Variants in FHDC1 observed in about 807,000 individuals in gnomAD.
The protein encoded by FHDC1 is FH2 domain containing 1.
In FHDC1, 25 loss-of-function variants were observed where a neutral mutation model predicts 52.6. That is an observed-to-expected ratio of 0.48 (90% confidence interval 0.35 to 0.66). FHDC1 has a LOEUF of 0.66. Among genes scored for constraint, FHDC1 ranks in the 30% least tolerant of loss-of-function variants. The pLI is 0.01. For missense variants in FHDC1, 1,459 were observed against 1,452.8 expected (o/e 1.00, Z -0.07); for synonymous variants, 616 against 581.5 (o/e 1.06, Z -0.85).
At chr4:152,935,624 AAAACAAAAAC>A (rs202054649), upstream of FHDC1, among the ~76,000 whole-genome samples, 2,102 of 151,686 alleles carry the variant, frequency 0.014, 22 homozygotes, top group South Asian at 0.036. Flanking sequence ...TTGAGAATTA[AAAACAAAAAC>A]AAAATAAAAA....
the FHDC1 span, among the ~76,000 whole-genome samples, chr4:152,913,101 T>C: frequency 1.3e-5 from 2 of 152,254 alleles, no homozygotes; most frequent in African/African-American, 2.4e-5. Flanking sequence ...TTTGCAACTA[T>C]ATACTTCAAT....
the FHDC1 span, among the ~76,000 whole-genome samples, chr4:152,913,837 C>T: frequency 7.0e-3 from 1,070 of 152,188 alleles, 9 homozygotes; most frequent in Non-Finnish European, 0.011. Context: ...TGCGCCACCA[C>T]GCCTGGCTTA....
chr4:152,927,667 A>G, the FHDC1 span: 228 of 1,582,652 alleles, frequency 1.4e-4, no homozygotes, highest in African/African-American at 2.7e-3. Flanking sequence ...AACAGTTCAA[A>G]TTCAAAAACA....
At position 152,975,030 on chromosome 4, in the gene FHDC1, G is replaced by C. The variant is rs367588756; in HGVS notation, c.1739G>C (p.Arg580Pro). The change falls in exon 12 of 12, where the codon CGG becomes CCG. Residue 580 changes from arginine (R) to proline (P), a missense_variant. Around this residue, in one of 3 missense-constraint regions of FHDC1, gnomAD observed 939 missense variants for 854.5 expected, o/e 1.10. Coordinates refer to ENST00000511601, the MANE Select transcript of FHDC1 (RefSeq NM_001371116.1). ...SLPRSSPRQA[R>P]PTIACLEPAE... ...CCCCGGAGCAGCCCCCGGCAGGCCC[G>C]GCCCACGATAGCCTGCCTGGAGCCT... The C allele has an allele frequency of 1.7e-5, 28 of 1,612,530 alleles. 1 individual carries two copies. The Admixed American group carries it at 3.2e-4, about 18-fold the overall frequency.
At position 152,974,900 on chromosome 4, in the gene FHDC1, C is replaced by A. The variant is rs756746617; in HGVS notation, c.1609C>A (p.Arg537Ser). 8.1e-6 allele frequency: 13 copies of A among 1,608,816 alleles called. No individual in the cohort carries two copies. The South Asian group carries it at 1.3e-4, about 16-fold the overall frequency. The change falls in exon 12 of 12, where the codon CGC (arginine) becomes AGC (serine). Residue 537 changes from arginine to serine, a missense_variant. By Grantham distance (110) the Arg-to-Ser change is moderately radical. Transcript: ENST00000511601. Reference protein sequence around the residue: ...SSPSYRPPNTRRSRLSLGPSA... With the variant: ...SSPSYRPPNTSRSRLSLGPSA... ...CCCCTCCTACCGGCCCCCGAACACC[C>A]GCCGCTCCCGCCTCTCCCTGGGTCC...
At chr4:152,945,675 T>C (rs553369845) in intron 2 of FHDC1, among the ~76,000 whole-genome samples, 1 of 152,324 alleles carries the variant, frequency 6.6e-6, no homozygotes, top group East Asian at 1.9e-4. Flanking sequence ...CCGGCTGGTC[T>C]CGAACTCCTG....
Position 152,976,207 on chromosome 4 carries a change from C to A in FHDC1, c.2916C>A (p.Asp972Glu). Residue 972 changes from aspartate to glutamate, a missense_variant, in exon 12 of 12, where the codon GAC becomes GAA. Transcript: ENST00000511601. ...SGSSSTRPGR[D>E]VPLQPRGSFK... ...CCAGCAGCACCCGTCCGGGGAGGGACGTTCCCCTGCAGCCCAGGGGTTCTT... is the reference window on the plus strand; with the variant it reads ...CCAGCAGCACCCGTCCGGGGAGGGAAGTTCCCCTGCAGCCCAGGGGTTCTT... 6.2e-7 allele frequency: 1 copy of A among 1,612,886 alleles called. No individual in the cohort carries two copies. The highest frequency in any genetic ancestry group is 1.1e-5 in the South Asian group (1 of 91,080).
chr4:152,940,037 T>A (rs959881501), intron 1 of FHDC1, among the ~76,000 whole-genome samples: 2 of 152,244 alleles, frequency 1.3e-5, no homozygotes, highest in African/African-American at 4.8e-5. Flanking sequence ...TGTGTTTGCA[T>A]CTCTACTGCG....
upstream of FHDC1, among the ~76,000 whole-genome samples, chr4:152,931,447 G>T (rs1579073411): frequency 8.2e-6 from 1 of 122,218 alleles, no homozygotes. Flanking sequence ...TCCATCTCCA[G>T]CCTCTAAAAC....
chr4:152,925,234 A>G, the FHDC1 span, among the ~76,000 whole-genome samples: 1 of 152,096 alleles, frequency 6.6e-6, no homozygotes, highest in East Asian at 1.9e-4. Flanking sequence ...CTTTAAGCCA[A>G]TTAATTAGAC....
At chr4:152,917,249 C>T in the FHDC1 span, among the ~76,000 whole-genome samples, 1 of 152,172 alleles carries the variant, frequency 6.6e-6, no homozygotes, top group Non-Finnish European at 1.5e-5. Flanking sequence ...GCATATACTA[C>T]TATTCTGTAC....
chr4:152,930,997 A>ACT, the FHDC1 span, among the ~76,000 whole-genome samples: 112 of 113,232 alleles, frequency 9.9e-4, no homozygotes, highest in African/African-American at 2.5e-3. Flanking sequence ...ACACACACAC[A>ACT]CTCTCTCTCT....
At chr4:152,941,027 G>T (rs866096179) in intron 1 of FHDC1, among the ~76,000 whole-genome samples, 13 of 152,136 alleles carry the variant, frequency 8.5e-5, no homozygotes, top group Non-Finnish European at 1.0e-4. Context: ...AAAATTATTT[G>T]GTGGTGATGG....
chr4:152,942,976 G>T lies in FHDC1; in HGVS notation c.-82G>T. On this transcript the variant is annotated 5_prime_UTR_variant, in exon 2 of 12. Coordinates refer to ENST00000511601, the MANE Select transcript of FHDC1 (RefSeq NM_001371116.1). ...TTATTCTGGCGGCAGATAGCAGCAG[G>T]TGAAAAAGTGCTACACAAGTTTGAT... 6.8e-7 allele frequency: 1 copy of T among 1,478,488 alleles called. No homozygotes were observed. Among genetic ancestry groups the T allele is most frequent in the South Asian group, 1.3e-5 (1 of 75,432 alleles). 91.6% of individuals were successfully genotyped at this position (1,478,488 alleles called of 1,614,324 possible). A position where few individuals can be genotyped will look rare whatever the true frequency, so the allele number is the denominator to read the frequency against.
Position 152,974,969 on chromosome 4 carries a change from G to A in FHDC1, c.1678G>A (p.Gly560Ser), listed in dbSNP as rs755345307. 5.8e-5 allele frequency: 94 copies of A among 1,612,318 alleles called. No individual in the cohort carries two copies. Among genetic ancestry groups the A allele is most frequent in the Non-Finnish European group, 7.1e-5 (84 of 1,179,838 alleles). Residue 560 changes from glycine to serine, a missense_variant, in exon 12 of 12, where the codon GGC (glycine) becomes AGC (serine). This residue lies in a region of FHDC1 where 939 missense variants were observed against 854.5 expected (regional missense o/e 1.10). Transcript: ENST00000511601. The part of the protein sequence containing the change: ...ELLTFLESST[G>S]SPEEPNKFHS... Reference sequence around the variant, plus strand: ...GCTGACCTTCTTGGAGAGCTCCACCGGCAGCCCTGAGGAGCCCAATAAGTT... The same window carrying A: ...GCTGACCTTCTTGGAGAGCTCCACCAGCAGCCCTGAGGAGCCCAATAAGTT...
In FHDC1 at chr4:152,974,892, C is replaced by G. The variant is rs565869629; in HGVS notation, c.1601C>G (p.Pro534Arg). The G allele has an allele frequency of 3.2e-5, 52 of 1,606,592 alleles. No homozygotes were observed. The highest frequency in any genetic ancestry group is 2.5e-4 in the African/African-American group (19 of 74,774). Residue 534 changes from proline (P) to arginine (R), a missense_variant, in exon 12 of 12, where the codon CCG (proline) becomes CGG (arginine). Coordinates refer to ENST00000511601, the MANE Select transcript of FHDC1 (RefSeq NM_001371116.1). The part of the protein sequence containing the change: ...ISPSSPSYRP[P>R]NTRRSRLSLG... ...CCCTCCAGCCCCTCCTACCGGCCCC[C>G]GAACACCCGCCGCTCCCGCCTCTCC... is the stretch of plus-strand genomic sequence containing the variant.
rs1740514965 is a variant in FHDC1 at position 152,967,965 on chromosome 4, C to T, written c.1101-15C>T. 1 of 1,601,782 alleles carries T rather than the reference C, an allele frequency of 6.2e-7. No individual in the cohort carries two copies. Among genetic ancestry groups the T allele is most frequent in the Non-Finnish European group, 8.5e-7 (1 of 1,170,986 alleles). On this transcript the variant is annotated splice_polypyrimidine_tract_variant and intron_variant, in intron 9 of 11. Transcript: ENST00000511601. The stretch of plus-strand genomic sequence containing the variant: ...TCCTTGTTCCAACTGCCCACTCTCC[C>T]CTTTCTTCTTTTAGATTATCTCTGG...
chr4:152,938,058 TC>T lies in FHDC1; in HGVS notation c.-131+1651del, dbSNP rs1445755242. On this transcript the variant is annotated intron_variant, in intron 1 of 11. Transcript: ENST00000511601. The stretch of plus-strand genomic sequence containing the variant: ...GGACTTAATGGTCGGTTTTCAAACT[TC>T]CGTGTGGACAGAAACGACCTCCGGG... 3.3e-5 allele frequency among the ~76,000 whole-genome samples: 5 copies of T among 152,282 alleles called. No individual in the cohort carries two copies. The East Asian group carries it at 7.7e-4, about 24-fold the overall frequency.
the FHDC1 span, among the ~76,000 whole-genome samples, chr4:152,915,204 C>G: frequency 6.6e-6 from 1 of 152,256 alleles, no homozygotes; most frequent in Middle Eastern, 3.4e-3. Context: ...CTGTCTTATT[C>G]ACCCTGTATC....
Sources: allele counts gnomAD v4.1 joint callset (sites outside exome capture counted in the v4.1 genomes callset), GRCh38; gene constraint gnomAD v4.1.1; regional missense constraint gnomAD v4.1.1; transcripts MANE v1.5; gene names NCBI Gene and HGNC (gene_info 2026-07-23, HGNC 2026-07-21).